HGFAC: variants seen among roughly 807,000 people sequenced by gnomAD.
The protein encoded by HGFAC is hepatocyte growth factor activator serine protease.
A neutral mutation model predicts 70.6 loss-of-function variants in HGFAC; 76 were observed. That is an observed-to-expected ratio of 1.08 (90% CI 0.89 to 1.30). The LOEUF (loss-of-function observed/expected upper bound fraction) is 1.30. HGFAC is among the 50% of genes most tolerant of loss of function. The pLI is 0.00. For missense variants in HGFAC, 1,044 were observed against 933.7 expected, an observed-to-expected ratio of 1.12 and a Z score of -1.54; for synonymous variants, 464 against 405.3, an observed-to-expected ratio of 1.14 and a Z score of -1.74.
At position 3,444,168 on chromosome 4, in the gene HGFAC, TG is replaced by T; in HGVS notation, c.598+10del. 2 of 1,600,672 alleles carry T rather than the reference TG, an allele frequency of 1.2e-6. No homozygotes were observed. Among genetic ancestry groups the T allele is most frequent in the Non-Finnish European group, 1.7e-6 (2 of 1,174,606 alleles). ...GGCAAGGACTGCGGCACAGGTGAGC[TG>T]GGCCTCGGAGGTCCGCAGGGGTCCA... On this transcript the variant is annotated splice_region_variant and intron_variant, in intron 5 of 13. Coordinates refer to ENST00000382774, the MANE Select transcript of HGFAC (RefSeq NM_001528.4).
In HGFAC at chr4:3,446,246, T is replaced by G. The variant is rs1233588440; in HGVS notation, c.1307T>G (p.Leu436Arg). 5 of 1,610,572 alleles carry G rather than the reference T, an allele frequency of 3.1e-6. No homozygotes were observed. Among genetic ancestry groups the G allele is most frequent in the Non-Finnish European group, 4.2e-6 (5 of 1,179,340 alleles). The change falls in exon 10 of 14, where the codon CTG becomes CGG. Residue 436 changes from leucine to arginine, a missense_variant. Physicochemically the swap from Leu to Arg is moderately radical, Grantham distance 102. Transcript: ENST00000382774. Reference protein sequence around the residue: ...YIGDSFCAGSLVHTCWVVSAA... With the variant: ...YIGDSFCAGSRVHTCWVVSAA... ...GGGGACAGCTTCTGCGCCGGGAGCC[T>G]GGTCCACACCTGCTGGGTGGTGTCG...
Position 3,444,376 on chromosome 4 carries a change from C to G in HGFAC, c.664C>G (p.Gln222Glu). The change falls in exon 6 of 14, where the codon CAG (glutamine) becomes GAG (glutamate). Residue 222 changes from glutamine to glutamate, a missense_variant. Coordinates refer to ENST00000382774, the MANE Select transcript of HGFAC (RefSeq NM_001528.4). The part of the protein sequence containing the change: ...EGGDRWARVR[Q>E]GHVEQCECFG... ...GGGCGACCGCTGGGCCCGCGTGCGC[C>G]AGGGCCACGTGGAACAGTGCGAGTG... The G allele has an allele frequency of 6.2e-7, 1 of 1,604,056 alleles. No homozygotes were observed. Among genetic ancestry groups the G allele is most frequent in the South Asian group, 1.1e-5 (1 of 89,240 alleles).
At chr4:3,443,312 C>T in intron 3 of HGFAC, 29 bp from the exon 4 acceptor site, 1 of 1,527,812 alleles carries the variant, frequency 6.5e-7, no homozygotes, top group Non-Finnish European at 8.8e-7. Flanking sequence ...CTGCCTGGGA[C>T]CCCCATGCAC....
intron 13 of HGFAC, among the ~76,000 whole-genome samples, chr4:3,448,708 C>G (rs990477842): frequency 2.0e-5 from 3 of 152,226 alleles, no homozygotes; most frequent in Non-Finnish European, 4.4e-5. Flanking sequence ...GGCCTGTGTG[C>G]TCAGGCGGCA....
chr4:3,444,210 C>T (rs1219939047), intron 5 of HGFAC, 49 bp downstream of exon 5: 5 of 1,570,354 alleles, frequency 3.2e-6, no homozygotes, highest in African/African-American at 2.7e-5. Context: ...CGGAGCAAGT[C>T]CCCGGAGGAT....
Position 3,444,753 on chromosome 4 carries a change from G to T in HGFAC, c.841+20G>T. The T allele has an allele frequency of 6.3e-7, 1 of 1,576,480 alleles. No homozygotes were observed. The highest frequency in any genetic ancestry group is 8.6e-7 in the Non-Finnish European group (1 of 1,164,884). The stretch of plus-strand genomic sequence containing the variant: ...ACATCGGTGAGTGGGTCAGCCCCCC[G>T]GGGTGCCCTGGGGCAGTGCCGGGTG... On this transcript the variant is annotated intron_variant, in intron 7 of 13. Transcript: ENST00000382774.
chr4:3,441,210 G>A (rs928502005), upstream of HGFAC, among the ~76,000 whole-genome samples: 38 of 152,184 alleles, frequency 2.5e-4, no homozygotes, highest in African/African-American at 8.0e-4. This position sits in a 1 kb window ranked among gnomAD's most constrained non-coding sequence, Gnocchi z 6.0. Flanking sequence ...TTGTGCTGCC[G>A]CAGACTTGGC....
Position 3,449,461 on chromosome 4 carries a change from G to T in HGFAC, c.*42G>T. On this transcript the variant is annotated 3_prime_UTR_variant, in exon 14 of 14. Coordinates refer to ENST00000382774, the MANE Select transcript of HGFAC (RefSeq NM_001528.4). ...CCTGGTTCCCACCATTCCCTGCCTT[G>T]CTGACAATAAAGATATTTCCAAGAA... 1 of 1,489,532 alleles carries T rather than the reference G, an allele frequency of 6.7e-7. No homozygotes were observed. Among genetic ancestry groups the T allele is most frequent in the Non-Finnish European group, 9.0e-7 (1 of 1,115,410 alleles). 92.3% of individuals were successfully genotyped at this position (1,489,532 alleles called of 1,614,324 possible). A position where few individuals can be genotyped will look rare whatever the true frequency, so the allele number is the denominator to read the frequency against.
chr4:3,442,611 G>T (rs765314792), intron 1 of HGFAC, 121 bp from the exon 2 acceptor site: 2 of 629,536 alleles, frequency 3.2e-6, no homozygotes, highest in African/African-American at 3.8e-5. Context: ...TGTCCTCCTG[G>T]AACCTGCTCC....
At chr4:3,445,075 C>T in intron 8 of HGFAC, 82 bp downstream of exon 8, 1 of 1,432,288 alleles carries the variant, frequency 7.0e-7, no homozygotes, top group South Asian at 1.4e-5. Flanking sequence ...CTCCCTAGGA[C>T]CCAGGCGGGG....
chr4:3,444,184 G>A (rs375515577), intron 5 of HGFAC, 23 bp downstream of exon 5: 12 of 1,580,210 alleles, frequency 7.6e-6, no homozygotes, highest in East Asian at 7.0e-5. Context: ...TCGGAGGTCC[G>A]CAGGGGTCCA....
At chr4:3,443,778 C>T (rs940704395) in intron 4 of HGFAC, among the ~76,000 whole-genome samples, 4 of 152,082 alleles carry the variant, frequency 2.6e-5, no homozygotes, top group African/African-American at 7.2e-5. Flanking sequence ...GGTCTGCTGC[C>T]TGACAGTGTG....
In HGFAC at chr4:3,448,179, C is replaced by G. The variant is rs1172660930; in HGVS notation, c.1688C>G (p.Ala563Gly). The G allele has an allele frequency of 6.2e-7, 1 of 1,602,874 alleles. No homozygotes were observed. Among genetic ancestry groups the G allele is most frequent in the Middle Eastern group, 2.0e-4 (1 of 5,024 alleles). ...SLREALVPLVADHKCSSPEVY... is the reference protein window; with the variant it reads ...SLREALVPLVGDHKCSSPEVY... Reference sequence around the variant, plus strand: ...CGGGAGGCCCTGGTCCCCCTGGTCGCCGACCACAAGTGCAGCAGCCCTGAG... The same window carrying G: ...CGGGAGGCCCTGGTCCCCCTGGTCGGCGACCACAAGTGCAGCAGCCCTGAG... The change falls in exon 13 of 14, where the codon GCC becomes GGC. Residue 563 changes from alanine (A) to glycine (G), a missense_variant. Ala to Gly is a moderately conservative substitution (Grantham distance 60). Coordinates refer to ENST00000382774, the MANE Select transcript of HGFAC (RefSeq NM_001528.4).
chr4:3,447,606 G>A lies in HGFAC; in HGVS notation c.1470G>A (p.Val490=), dbSNP rs1237123512. ...EKYIPYTLYS[V]FNPSDHDLVL... ...ACATCCCGTACACCCTGTACTCGGT[G>A]TTCAACCCCAGCGACCACGACCTCG... is the stretch of plus-strand genomic sequence containing the variant. Residue 490 remains valine, a synonymous_variant, in exon 11 of 14, where the codon GTG becomes GTA. Coordinates refer to ENST00000382774, the MANE Select transcript of HGFAC (RefSeq NM_001528.4). 5.6e-6 allele frequency: 9 copies of A among 1,612,582 alleles called. No individual in the cohort carries two copies. The African/African-American group carries it at 1.2e-4, about 22-fold the overall frequency.
At chr4:3,445,233 A>T in intron 8 of HGFAC, 32 bp from the exon 9 acceptor site, 1 of 1,516,150 alleles carries the variant, frequency 6.6e-7, no homozygotes, top group African/African-American at 1.4e-5. Flanking sequence ...GGGCAGTGTG[A>T]CTCCCTGCCA....
At chr4:3,447,668 G>A (rs372511770) in intron 11 of HGFAC, 37 bp downstream of exon 11, 22 of 1,609,580 alleles carry the variant, frequency 1.4e-5, no homozygotes, top group Non-Finnish European at 1.8e-5. Context: ...CTCTGGGCAG[G>A]TGGGCCCTGT....
chr4:3,442,027 G>A lies in HGFAC; in HGVS notation c.26G>A (p.Ser9Asn). 6.6e-7 allele frequency: 1 copy of A among 1,517,470 alleles called. No individual in the cohort carries two copies. Among genetic ancestry groups the A allele is most frequent in the South Asian group, 1.3e-5 (1 of 78,112 alleles). The allele number at this position is 1,517,470 out of a possible 1,614,324, so 94.0% of individuals were successfully genotyped here. The change falls in exon 1 of 14, where the codon AGC (serine) becomes AAC (asparagine). Residue 9 changes from serine to asparagine, a missense_variant. Ser to Asn is a conservative substitution (Grantham distance 46). Transcript: ENST00000382774. MGRWAWVP[S>N]PWPPPGLGPF... ...ATGGGGCGCTGGGCCTGGGTCCCCA[G>A]CCCCTGGCCCCCACCGGGGCTGGGC...
chr4:3,447,863 C>T, intron 11 of HGFAC, 32 bp from the exon 12 acceptor site: 1 of 1,603,014 alleles, frequency 6.2e-7, no homozygotes, highest in Non-Finnish European at 8.5e-7. Flanking sequence ...GCCCGCACAC[C>T]ACAGGCTGAC....
chr4:3,441,997 G>A lies in HGFAC; in HGVS notation c.-5G>A. ...CCCACTGCCCCTCAGGCCAGCTCAG[G>A]AGCCATGGGGCGCTGGGCCTGGGTC... On this transcript the variant is annotated 5_prime_UTR_variant, in exon 1 of 14. Transcript: ENST00000382774. The surrounding 1 kb of genome is among the most constrained non-coding windows in gnomAD (Gnocchi z 6.0). The A allele has an allele frequency of 2.0e-6, 3 of 1,478,752 alleles. No homozygotes were observed. The highest frequency in any genetic ancestry group is 2.7e-6 in the Non-Finnish European group (3 of 1,124,506). 91.6% of individuals were successfully genotyped at this position (1,478,752 alleles called of 1,614,324 possible).
Sources: allele counts gnomAD v4.1 joint callset (sites outside exome capture counted in the v4.1 genomes callset), GRCh38; gene constraint gnomAD v4.1.1; non-coding constraint Gnocchi (gnomAD v3.1); transcripts MANE v1.5; gene names NCBI Gene and HGNC (gene_info 2026-07-23, HGNC 2026-07-21).